GREB1: variants seen among roughly 807,000 people sequenced by gnomAD.
GREB1 encodes protein GREB1.
A neutral mutation model predicts 200.7 loss-of-function variants in GREB1; 106 were observed. The ratio of observed to expected loss-of-function variants is 0.53; its 90% CI spans 0.45 to 0.62. The LOEUF (loss-of-function observed/expected upper bound fraction) is 0.62, where lower values mean the gene tolerates loss of function less well. Among genes scored for constraint, GREB1 ranks in the 20% least tolerant of loss-of-function variants. The pLI, the probability that GREB1 is intolerant of heterozygous loss-of-function variation, is 0.00. For missense variants in GREB1, 2,243 were observed against 2,556.8 expected (o/e 0.88, Z 2.65); for synonymous variants, 1,132 against 1,092.4 (o/e 1.04, Z -0.72).
At position 11,600,965 on chromosome 2, in the gene GREB1, C is replaced by T. The variant is rs772729011; in HGVS notation, c.2499C>T (p.Asn833=). 123 of 1,613,146 alleles carry T rather than the reference C, an allele frequency of 7.6e-5. No individual in the cohort carries two copies. The Admixed American group carries it at 9.7e-4, about 13-fold the overall frequency. ...AGCACACCCTCATCAGCCCCTACAA[C>T]GAGATCCACTGGCCTGCCTCCTGCA... ...QTQHTLISPY[N]EIHWPASCSN... Residue 833 remains asparagine, a synonymous_variant, in exon 16 of 33, where the codon AAC becomes AAT. Transcript: ENST00000381486.
At chr2:11,522,834 TTTG>T (rs1673747590) in intron 1 of GREB1, among the ~76,000 whole-genome samples, 2 of 152,198 alleles carry the variant, frequency 1.3e-5, no homozygotes. Flanking sequence ...AAACAAAGGT[TTTG>T]TTGTTTTCAG....
chr2:11,579,719 ACCCGAG>A (rs1679264006), intron 6 of GREB1, among the ~76,000 whole-genome samples: 3 of 151,602 alleles, frequency 2.0e-5, no homozygotes, highest in African/African-American at 7.3e-5. Flanking sequence ...GCTACTCCTG[ACCCGAG>A]CTCTTTCCAG....
chr2:11,630,015 A>T lies in GREB1; in HGVS notation c.4517A>T (p.His1506Leu). The change falls in exon 26 of 33, where the codon CAC becomes CTC. Residue 1506 changes from histidine to leucine, a missense_variant. By Grantham distance (99) the His-to-Leu change is moderately conservative. Coordinates refer to ENST00000381486, the MANE Select transcript of GREB1 (RefSeq NM_014668.4). ...ATGCTAGGAGAGGAGATCCAGCTGC[A>T]CTTCATCATCCCCAAGTCCAAGGAG... ...YSMLGEEIQL[H>L]FIIPKSKEHH... is the part of the protein sequence containing the mutation. 2 of 1,614,194 alleles carry T rather than the reference A, an allele frequency of 1.2e-6. No individual in the cohort carries two copies. The highest frequency in any genetic ancestry group is 1.7e-6 in the Non-Finnish European group (2 of 1,180,026).
chr2:11,526,959 T>G (rs867787992), intron 1 of GREB1, among the ~76,000 whole-genome samples: 7 of 152,192 alleles, frequency 4.6e-5, no homozygotes, highest in Non-Finnish European at 8.8e-5. Context: ...TTCTTAAGCT[T>G]TCTAATATGG....
intron 13 of GREB1, among the ~76,000 whole-genome samples, chr2:11,596,880 C>T (rs1209642931): frequency 1.0e-5 from 1 of 96,634 alleles, no homozygotes; most frequent in African/African-American, 4.3e-5. Context: ...GGTGGGGGCA[C>T]CGGTGTGTAC....
At chr2:11,507,399 A>C (rs1405085204) in intron 1 of GREB1, among the ~76,000 whole-genome samples, 1 of 32,456 alleles carries the variant, frequency 3.1e-5, no homozygotes, top group African/African-American at 9.2e-5. Flanking sequence ...ACAGAGCAAG[A>C]CTCCAAAAAA....
intron 19 of GREB1, among the ~76,000 whole-genome samples, chr2:11,614,215 C>T (rs1683193137): frequency 6.6e-6 from 1 of 151,144 alleles, no homozygotes; most frequent in African/African-American, 2.4e-5. Context: ...CAGACTCCGC[C>T]TCCTGGGTTC....
chr2:11,587,595 C>G (rs1209035948), intron 9 of GREB1: 16 of 1,475,726 alleles, frequency 1.1e-5, no homozygotes, highest in Non-Finnish European at 1.4e-5. Flanking sequence ...CAGGCACCAG[C>G]TTTACTCCCC....
At chr2:11,577,544 A>T (rs1270796805) in intron 5 of GREB1, among the ~76,000 whole-genome samples, 1 of 152,226 alleles carries the variant, frequency 6.6e-6, no homozygotes, top group East Asian at 1.9e-4. Flanking sequence ...TCATGGCCAC[A>T]GTCAGCAACG....
At chr2:11,504,245 G>A (rs1673120255) in intron 1 of GREB1, among the ~76,000 whole-genome samples, 1 of 152,120 alleles carries the variant, frequency 6.6e-6, no homozygotes. Flanking sequence ...GGAGTGAGAA[G>A]GTGGGAGATT....
intron 1 of GREB1, among the ~76,000 whole-genome samples, chr2:11,546,943 CTTTT>C (rs386354826): frequency 1.7e-4 from 21 of 123,442 alleles, no homozygotes; most frequent in Admixed American, 4.2e-4. Context: ...CTAGTTTAAA[CTTTT>C]TTTTTTTTTT....
upstream of GREB1, among the ~76,000 whole-genome samples, chr2:11,530,323 A>G (rs113479698): frequency 4.3e-3 from 647 of 151,956 alleles, 8 homozygotes; most frequent in African/African-American, 0.015. Context: ...TGGCCTCCCA[A>G]AGTGTTGGGA....
chr2:11,625,774 C>A (rs1239456482), intron 24 of GREB1, among the ~76,000 whole-genome samples: 1 of 152,086 alleles, frequency 6.6e-6, no homozygotes, highest in Non-Finnish European at 1.5e-5. Flanking sequence ...TTGGTAAATG[C>A]CGTGAGAAAG....
intron 1 of GREB1, among the ~76,000 whole-genome samples, chr2:11,553,860 A>T (rs1020560633): frequency 9.9e-5 from 15 of 152,072 alleles, no homozygotes; most frequent in African/African-American, 3.4e-4. Flanking sequence ...GAGGGTCTGG[A>T]TGCCCCGATG....
In GREB1 at chr2:11,605,144, CTTTTTTTTTTTTTTTTTTTT is replaced by C. The variant is rs3035991; in HGVS notation, c.2666+2615_2666+2634del. 8.9e-5 allele frequency among the ~76,000 whole-genome samples: 4 copies of C among 44,828 alleles called. 1 individual carries two copies. The highest frequency in any genetic ancestry group is 2.0e-3 in the East Asian group (2 of 976). 29.4% of individuals were successfully genotyped at this position (44,828 alleles called of 152,430 possible). ...TGGAGCTGGGCACCAGAGCCTGCTT[CTTTTTTTTTTTTTTTTTTTT>C]TTTTTTTTTTTTACGCAGCAGCTTT... On this transcript the variant is annotated intron_variant, in intron 17 of 32. Coordinates refer to ENST00000381486, the MANE Select transcript of GREB1 (RefSeq NM_014668.4).
intron 1 of GREB1, among the ~76,000 whole-genome samples, chr2:11,553,505 A>T (rs772928361): frequency 1.8e-4 from 27 of 149,868 alleles, no homozygotes; most frequent in Non-Finnish European, 3.8e-4. Context: ...CAAACAAAAA[A>T]CCCCACTTTT....
intron 1 of GREB1, among the ~76,000 whole-genome samples, chr2:11,523,529 T>G (rs1673773582): frequency 6.6e-6 from 1 of 152,204 alleles, no homozygotes; most frequent in South Asian, 2.1e-4. Flanking sequence ...CTGTAACGTG[T>G]GTCTTTCCTT....
chr2:11,632,808 G>C, intron 27 of GREB1, 81 bp from the exon 28 acceptor site: 2 of 1,288,266 alleles, frequency 1.6e-6, no homozygotes, highest in South Asian at 2.7e-5. Context: ...GGGCGGCCCC[G>C]ACAGCAGGTC....
chr2:11,609,587 C>T (rs865813115), intron 17 of GREB1, among the ~76,000 whole-genome samples: 61 of 152,162 alleles, frequency 4.0e-4, no homozygotes, highest in African/African-American at 1.4e-3. Context: ...CCCTTCATGC[C>T]AGAGTCTGTG....
Sources: allele counts gnomAD v4.1 joint callset (sites outside exome capture counted in the v4.1 genomes callset), GRCh38; gene constraint gnomAD v4.1.1; transcripts MANE v1.5; gene names NCBI Gene and HGNC (gene_info 2026-07-23, HGNC 2026-07-21).